The following AP2A2 variants were observed in gnomAD, a reference collection of about 807,000 sequenced individuals.
The protein encoded by AP2A2 is adaptor related protein complex 2 subunit alpha 2, also known as AP-2 complex subunit alpha-2.
A neutral mutation model predicts 104.2 loss-of-function variants in AP2A2; 32 were observed. The ratio of observed to expected loss-of-function variants is 0.31; its 90% CI spans 0.23 to 0.41. The LOEUF (loss-of-function observed/expected upper bound fraction) is 0.41, where lower values mean the gene tolerates loss of function less well. AP2A2 is among the 10% of genes least tolerant of loss of function. The pLI is 1.00. For missense variants in AP2A2, 912 were observed against 1,261.0 expected (o/e 0.72, Z 4.19); for synonymous variants, 539 against 533.3 (o/e 1.01, Z -0.15).
At chr11:1,008,975 C>T (rs563327600) in intron 18 of AP2A2, 125 bp from the exon 19 acceptor site, 11 of 742,492 alleles carry the variant, frequency 1.5e-5, no homozygotes, top group Middle Eastern at 3.9e-4. Flanking sequence ...GAAGGCTCGG[C>T]CCCCCGACCC....
At chr11:937,605 A>G (rs893871359) in intron 1 of AP2A2, among the ~76,000 whole-genome samples, 1 of 152,230 alleles carries the variant, frequency 6.6e-6, no homozygotes. Context: ...ACCCTGTCTC[A>G]AAACACCACC....
intron 10 of AP2A2, among the ~76,000 whole-genome samples, chr11:989,845 C>T (rs975998244): frequency 6.6e-6 from 1 of 152,212 alleles, no homozygotes; most frequent in Non-Finnish European, 1.5e-5. Flanking sequence ...CCACTGTGAC[C>T]AGCCAGGACC....
rs532891509 is a variant in AP2A2 at position 1,001,613 on chromosome 11, C to T, written c.2123+1015C>T. On this transcript the variant is annotated intron_variant, in intron 15 of 21. Coordinates refer to ENST00000448903, the MANE Select transcript of AP2A2 (RefSeq NM_012305.4). ...GGCCGGCGTGGTGGTGGGTGCAGGT[C>T]GCCGCTTGGGCTGAAAACAGTCTTA... is the stretch of plus-strand genomic sequence containing the variant. Among the ~76,000 whole-genome samples the T allele has an allele frequency of 2.6e-5, 4 of 152,038 alleles. No homozygotes were observed. The East Asian group carries it at 7.8e-4, about 30-fold the overall frequency.
chr11:944,689 G>A (rs1443631187), intron 1 of AP2A2, among the ~76,000 whole-genome samples: 3 of 152,196 alleles, frequency 2.0e-5, no homozygotes, highest in Non-Finnish European at 2.9e-5. Flanking sequence ...TGTGAAGGCA[G>A]CAGTTGAGCA....
At chr11:969,619 G>T (rs1035706637) in intron 2 of AP2A2, among the ~76,000 whole-genome samples, 5 of 152,154 alleles carry the variant, frequency 3.3e-5, no homozygotes, top group African/African-American at 1.2e-4. Flanking sequence ...ATGATCCCTT[G>T]TGAGGGGCTC....
intron 14 of AP2A2, among the ~76,000 whole-genome samples, chr11:999,880 T>C (rs967234909): frequency 8.7e-5 from 13 of 150,268 alleles, no homozygotes; most frequent in African/African-American, 3.2e-4. Flanking sequence ...CTCGGCTCAC[T>C]GCAAGCTCCG....
intron 4 of AP2A2, 40 bp from the exon 5 acceptor site, chr11:977,055 T>A: frequency 6.2e-7 from 1 of 1,611,902 alleles, no homozygotes; most frequent in Non-Finnish European, 8.5e-7. Context: ...CTGCGCTGTC[T>A]TCAGCCTGTT....
At chr11:974,389 A>C (rs759256839) in intron 4 of AP2A2, among the ~76,000 whole-genome samples, 5 of 152,182 alleles carry the variant, frequency 3.3e-5, no homozygotes, top group Non-Finnish European at 7.3e-5. Context: ...AGATGACTCA[A>C]AGTAATATGC....
chr11:954,613 G>GTATT (rs1297401085), intron 1 of AP2A2, among the ~76,000 whole-genome samples: 1 of 151,898 alleles, frequency 6.6e-6, no homozygotes, highest in Non-Finnish European at 1.5e-5. Context: ...GTATTTGTGT[G>GTATT]TATTTGGTTT....
chr11:927,272 C>G lies in AP2A2; in HGVS notation c.67+1184C>G, dbSNP rs750350732. On this transcript the variant is annotated intron_variant, in intron 1 of 21. Transcript: ENST00000448903. ...AGATGGGGGGGTCTCGCCATGTTGC[C>G]TAGGCTGGTCTCGAAATCCTGAGCT... 9.0e-4 allele frequency among the ~76,000 whole-genome samples: 137 copies of G among 152,058 alleles called. 1 individual carries two copies. The highest frequency in any genetic ancestry group is 3.4e-3 in the Middle Eastern group (1 of 294).
At chr11:954,270 C>T (rs1854154502) in intron 1 of AP2A2, among the ~76,000 whole-genome samples, 1 of 152,216 alleles carries the variant, frequency 6.6e-6, no homozygotes, top group African/African-American at 2.4e-5. Context: ...ATTCCCACCT[C>T]ACGTGCTGGC....
chr11:998,882 C>T (rs377027688), intron 14 of AP2A2, among the ~76,000 whole-genome samples: 3 of 152,144 alleles, frequency 2.0e-5, no homozygotes, highest in Non-Finnish European at 4.4e-5. Flanking sequence ...TTAGTAGAGA[C>T]GGGGTTTCAC....
rs1455152552 is a variant in AP2A2, at chr11:929,708, A to G, written c.67+3620A>G. On this transcript the variant is annotated intron_variant, in intron 1 of 21. Transcript: ENST00000448903. The stretch of plus-strand genomic sequence containing the variant: ...TTACTCAGTGGGCTGAGGTGAGAGC[A>G]TTGTCTGAGCCCTGGAGGTTGAGGC... Among the ~76,000 whole-genome samples the G allele has an allele frequency of 2.0e-5, 3 of 151,942 alleles. No individual in the cohort carries two copies. In the South Asian group the frequency reaches 6.2e-4, roughly 32 times the overall value.
At chr11:1,007,929 A>G (rs1856263552) in intron 17 of AP2A2, 83 bp from the exon 18 acceptor site, 6 of 1,545,188 alleles carry the variant, frequency 3.9e-6, no homozygotes, top group Non-Finnish European at 5.2e-6. Context: ...GCTCGCCTCC[A>G]CGGGTCCTGC....
chr11:927,197 T>A (rs950347571), intron 1 of AP2A2, among the ~76,000 whole-genome samples: 7 of 152,240 alleles, frequency 4.6e-5, no homozygotes, highest in African/African-American at 1.7e-4. Context: ...TCACTGGGAC[T>A]ACAAGCGTGC....
At chr11:929,858 A>G (rs1479451087) in intron 1 of AP2A2, among the ~76,000 whole-genome samples, 1 of 152,094 alleles carries the variant, frequency 6.6e-6, no homozygotes, top group Non-Finnish European at 1.5e-5. Flanking sequence ...GCGGTGGCTC[A>G]CGCTTGTAAT....
chr11:941,098 T>C (rs1853630845), intron 1 of AP2A2, among the ~76,000 whole-genome samples: 1 of 152,240 alleles, frequency 6.6e-6, no homozygotes, highest in Admixed American at 6.5e-5. Context: ...CTGCAGGGTC[T>C]CATGGCAGGG....
rs368894936 is a variant in AP2A2 at position 1,011,430 on chromosome 11, G to A, written c.*805G>A. On this transcript the variant is annotated 3_prime_UTR_variant, in exon 22 of 22. Coordinates refer to ENST00000448903, the MANE Select transcript of AP2A2 (RefSeq NM_012305.4). Reference sequence around the variant, plus strand: ...TCAGAGTGGGCGTCCCCAGGCCACGGTGCAGGCCTGAGTCCTTCCACCGGC... The same window carrying A: ...TCAGAGTGGGCGTCCCCAGGCCACGATGCAGGCCTGAGTCCTTCCACCGGC... The A allele has an allele frequency of 5.9e-6, 3 of 504,434 alleles. No homozygotes were observed. Among genetic ancestry groups the A allele is most frequent in the East Asian group, 5.7e-5 (1 of 17,636 alleles). 31.2% of individuals were successfully genotyped at this position (504,434 alleles called of 1,614,324 possible). A position where few individuals can be genotyped will look rare whatever the true frequency, so the allele number is the denominator to read the frequency against.
At chr11:935,059 AT>A (rs35731432) in intron 1 of AP2A2, among the ~76,000 whole-genome samples, 1,550 of 134,762 alleles carry the variant, frequency 0.012, 38 homozygotes, top group African/African-American at 0.04. Flanking sequence ...GGGTTTCACC[AT>A]TTTTTTTTTT....
Sources: allele counts gnomAD v4.1 joint callset (sites outside exome capture counted in the v4.1 genomes callset), GRCh38; gene constraint gnomAD v4.1.1; transcripts MANE v1.5; gene names NCBI Gene and HGNC (gene_info 2026-07-23, HGNC 2026-07-21).